Variants in ST3GAL1 observed in about 807,000 individuals in gnomAD.
The protein encoded by ST3GAL1 is CMP-N-acetylneuraminate-beta-galactosamide-alpha-2,3-sialyltransferase 1.
Under a neutral mutation model 34.1 loss-of-function variants are expected in ST3GAL1, and 16 were observed. That is an observed-to-expected ratio of 0.47 (90% CI 0.32 to 0.71). ST3GAL1 has a LOEUF of 0.71. Among genes scored for constraint, ST3GAL1 ranks in the 30% least tolerant of loss-of-function variants. The pLI is 0.04. For missense variants in ST3GAL1, 353 were observed against 447.4 expected (o/e 0.79, Z 1.90); for synonymous variants, 191 against 184.7 (o/e 1.03, Z -0.28).
At chr8:133,549,581 C>A (rs1468676705) in intron 1 of ST3GAL1, among the ~76,000 whole-genome samples, 1 of 152,122 alleles carries the variant, frequency 6.6e-6, no homozygotes, top group Non-Finnish European at 1.5e-5. Flanking sequence ...TTTCATTGGT[C>A]TTAAGTTGGC....
At chr8:133,549,516 T>C (rs1386546834) in intron 1 of ST3GAL1, among the ~76,000 whole-genome samples, 1 of 152,178 alleles carries the variant, frequency 6.6e-6, no homozygotes, top group African/African-American at 2.4e-5. Context: ...ACTGTGATCT[T>C]CAATTAAAGC....
intron 3 of ST3GAL1, among the ~76,000 whole-genome samples, chr8:133,484,927 G>C (rs1362722086): frequency 6.6e-6 from 1 of 152,194 alleles, no homozygotes; most frequent in African/African-American, 2.4e-5. Flanking sequence ...ATTGTGATGG[G>C]AGACTGTTCA....
chr8:133,559,809 G>A (rs1032843717), intron 1 of ST3GAL1, among the ~76,000 whole-genome samples: 6 of 152,274 alleles, frequency 3.9e-5, no homozygotes, highest in Middle Eastern at 3.4e-3. Context: ...AAGTTTACAC[G>A]CCTGATTGCA....
rs149085160 is a variant in ST3GAL1, at chr8:133,478,178, C to T, written c.-373-1578G>A. 7.2e-3 allele frequency among the ~76,000 whole-genome samples: 1,098 copies of T among 152,308 alleles called. 17 individuals carry two copies. Among genetic ancestry groups the T allele is most frequent in the African/African-American group, 0.025 (1,030 of 41,562 alleles). On this transcript the variant is annotated intron_variant, in intron 3 of 9. Coordinates refer to ENST00000522652, the MANE Select transcript of ST3GAL1 (RefSeq NM_173344.3). ...CATCCAATTCTCTCCCCACCTGCCCCCATCAAGGAGCAGCTCTGTAATTTA... is the reference window on the plus strand; with the variant it reads ...CATCCAATTCTCTCCCCACCTGCCCTCATCAAGGAGCAGCTCTGTAATTTA...
At position 133,466,152 on chromosome 8, in the gene ST3GAL1, A is replaced by G. The variant is rs1299100772; in HGVS notation, c.307-62T>C. On this transcript the variant is annotated intron_variant, in intron 5 of 9. Coordinates refer to ENST00000522652, the MANE Select transcript of ST3GAL1 (RefSeq NM_173344.3). This position sits in a 1 kb window ranked among gnomAD's most constrained non-coding sequence, Gnocchi z 4.4. The stretch of plus-strand genomic sequence containing the variant: ...TGTGGCTCCAGCCTCCTGGCAGCAG[A>G]GCCCCTGAGCTACCTGCTGTCGTTT... 7.2e-6 allele frequency: 11 copies of G among 1,525,110 alleles called. No individual in the cohort carries two copies. The Admixed American group carries it at 2.1e-4, about 29-fold the overall frequency. 94.5% of individuals were successfully genotyped at this position (1,525,110 alleles called of 1,614,324 possible).
chr8:133,489,271 G>A (rs1391686353), intron 3 of ST3GAL1, among the ~76,000 whole-genome samples: 2 of 152,116 alleles, frequency 1.3e-5, no homozygotes, highest in Non-Finnish European at 2.9e-5. Flanking sequence ...ACCATGACCA[G>A]TCCAGGTGAC....
intron 2 of ST3GAL1, among the ~76,000 whole-genome samples, chr8:133,502,743 T>C (rs1318012045): frequency 6.6e-6 from 1 of 152,228 alleles, no homozygotes; most frequent in African/African-American, 2.4e-5. Context: ...CTGAAGGCCA[T>C]ATGACTACAA....
intron 3 of ST3GAL1, among the ~76,000 whole-genome samples, chr8:133,481,610 C>T (rs1000100694): frequency 2.6e-5 from 4 of 152,148 alleles, no homozygotes; most frequent in Non-Finnish European, 4.4e-5. Context: ...ATTCTCCTGC[C>T]TCAGCCTCCT....
chr8:133,563,244 AC>A (rs147552013), intron 1 of ST3GAL1, among the ~76,000 whole-genome samples: 4,551 of 152,232 alleles, frequency 0.03, 190 homozygotes, highest in African/African-American at 0.096. Context: ...CCCAATGTGT[AC>A]TTTCCAAAAG....
chr8:133,499,450 C>T (rs1257175689), intron 2 of ST3GAL1: 1 of 152,164 alleles, frequency 6.6e-6, no homozygotes, highest in Non-Finnish European at 1.5e-5. Context: ...CGCATGATCT[C>T]TAAGACCACT....
chr8:133,464,984 T>TC, intron 6 of ST3GAL1, 27 bp from the exon 7 acceptor site: 1 of 1,597,716 alleles, frequency 6.3e-7, no homozygotes. Context: ...GAAAGCTGAG[T>TC]CTTGTAGCAC....
Position 133,476,073 on chromosome 8 carries a change from T to C in ST3GAL1, c.-49A>G. 1 of 1,508,834 alleles carries C rather than the reference T, an allele frequency of 6.6e-7. No homozygotes were observed. 93.5% of individuals were successfully genotyped at this position (1,508,834 alleles called of 1,614,324 possible). ...CCCACGATGGGTAGCAGGAACTCCCTCCTAAGAGAGGAGAAAAATGGAAGA... is the reference window on the plus strand; with the variant it reads ...CCCACGATGGGTAGCAGGAACTCCCCCCTAAGAGAGGAGAAAAATGGAAGA... On this transcript the variant is annotated splice_region_variant and 5_prime_UTR_variant, in exon 5 of 10. Transcript: ENST00000522652.
Position 133,549,800 on chromosome 8 carries a change from TA to T in ST3GAL1, c.-581-3875del, listed in dbSNP as rs371865263. 9.2e-3 allele frequency among the ~76,000 whole-genome samples: 1,394 copies of T among 152,060 alleles called. 14 individuals are homozygous for T. Among genetic ancestry groups the T allele is most frequent in the Middle Eastern group, 0.02 (6 of 294 alleles). ...CAACGTGGAGAAACCCTGTCTCTAC[TA>T]AAAATACAAAATTAGCCAGGCATGG... On this transcript the variant is annotated intron_variant, in intron 1 of 9. Coordinates refer to ENST00000522652, the MANE Select transcript of ST3GAL1 (RefSeq NM_173344.3).
intron 1 of ST3GAL1, among the ~76,000 whole-genome samples, chr8:133,547,144 C>A (rs1563737179): frequency 6.6e-6 from 1 of 152,220 alleles, no homozygotes; most frequent in African/African-American, 2.4e-5. Context: ...CCTCCCCTCC[C>A]AGCATGAGGG....
At position 133,466,685 on chromosome 8, in the gene ST3GAL1, G is replaced by A. The variant is rs954311066; in HGVS notation, c.307-595C>T. ...AGTAGGGACATCTGCCATCTTTCCT[G>A]CCTGACCCTCAGTTCCCCCGGCCCC... On this transcript the variant is annotated intron_variant, in intron 5 of 9. Coordinates refer to ENST00000522652, the MANE Select transcript of ST3GAL1 (RefSeq NM_173344.3). The surrounding 1 kb of genome is among the most constrained non-coding windows in gnomAD (Gnocchi z 4.4). Among the ~76,000 whole-genome samples the A allele has an allele frequency of 3.9e-5, 6 of 152,208 alleles. No homozygotes were observed. Among genetic ancestry groups the A allele is most frequent in the Admixed American group, 3.9e-4 (6 of 15,286 alleles).
At chr8:133,515,391 G>C (rs1311175188) in intron 2 of ST3GAL1, 1 of 152,230 alleles carries the variant, frequency 6.6e-6, no homozygotes, top group Non-Finnish European at 1.5e-5. Context: ...GGCCCTGTGG[G>C]AGGCATCTGG....
At position 133,541,147 on chromosome 8, in the gene ST3GAL1, A is replaced by AGG. The variant is rs1554618910; in HGVS notation, c.-429+4626_-429+4627insCC. On this transcript the variant is annotated intron_variant, in intron 2 of 9. Transcript: ENST00000522652. ...GAGAGAGAGAGAGAGAGAGAGAGAG[A>AGG]GAGAGACTGTGTGTCTCTCCCTCTT... 1.4e-3 allele frequency among the ~76,000 whole-genome samples: 175 copies of AGG among 125,452 alleles called. 11 individuals are homozygous for AGG. The highest frequency in any genetic ancestry group is 6.5e-3 in the African/African-American group (165 of 25,494). 82.3% of individuals were successfully genotyped at this position (125,452 alleles called of 152,430 possible). A position where few individuals can be genotyped will look rare whatever the true frequency, so the allele number is the denominator to read the frequency against.
chr8:133,472,451 A>G (rs1377611790), intron 5 of ST3GAL1, among the ~76,000 whole-genome samples: 1 of 152,182 alleles, frequency 6.6e-6, no homozygotes, highest in Non-Finnish European at 1.5e-5. Context: ...ACAATTCAAG[A>G]TGAGATTTGG....
intron 2 of ST3GAL1, among the ~76,000 whole-genome samples, chr8:133,527,140 T>C (rs1818000913): frequency 6.6e-6 from 1 of 151,996 alleles, no homozygotes; most frequent in Admixed American, 6.6e-5. Flanking sequence ...TAACAAAGGA[T>C]AAAATGAGAG....
Sources: allele counts gnomAD v4.1 joint callset (sites outside exome capture counted in the v4.1 genomes callset), GRCh38; gene constraint gnomAD v4.1.1; non-coding constraint Gnocchi (gnomAD v3.1); transcripts MANE v1.5; gene names NCBI Gene and HGNC (gene_info 2026-07-23, HGNC 2026-07-21).